Variants in ZNF330 observed in about 807,000 individuals in gnomAD.
ZNF330 encodes nucleolar atypical zinc finger, also known as zinc finger protein 330.
A neutral mutation model predicts 45.5 loss-of-function variants in ZNF330; 31 were observed. That is an observed-to-expected ratio of 0.68 (90% confidence interval 0.51 to 0.92). The LOEUF (loss-of-function observed/expected upper bound fraction) is 0.92. Among genes scored for constraint, ZNF330 ranks in the 40% least tolerant of loss-of-function variants. ZNF330 has a pLI of 0.00. For missense variants in ZNF330, 356 were observed against 387.4 expected (o/e 0.92, Z 0.68); for synonymous variants, 138 against 123.2 (o/e 1.12, Z -0.79).
chr4:141,221,094 C>T lies in ZNF330; in HGVS notation c.-21C>T, dbSNP rs1728663332. 1 of 152,268 alleles carries T rather than the reference C, an allele frequency of 6.6e-6. No homozygotes were observed. The highest frequency in any genetic ancestry group is 1.5e-5 in the Non-Finnish European group (1 of 68,066). 9.4% of individuals were successfully genotyped at this position (152,268 alleles called of 1,614,324 possible). On this transcript the variant is annotated 5_prime_UTR_variant, in exon 1 of 10. Coordinates refer to ENST00000262990, the MANE Select transcript of ZNF330 (RefSeq NM_014487.6). The stretch of plus-strand genomic sequence containing the variant: ...CCGGCGAAAGTGAGCGAGGTTTGCC[C>T]GGAGCGCGCACGAGGTAGGGTGTCC...
At chr4:141,230,694 A>G (rs1016624757) in intron 7 of ZNF330, among the ~76,000 whole-genome samples, 33 of 152,248 alleles carry the variant, frequency 2.2e-4, no homozygotes, top group African/African-American at 7.5e-4. Context: ...CTGTATATCA[A>G]AAATACCTGT....
At chr4:141,224,820 A>ATGTTT in intron 4 of ZNF330, 143 bp downstream of exon 4, 6 of 680,756 alleles carry the variant, frequency 8.8e-6, no homozygotes, top group African/African-American at 1.8e-5. Flanking sequence ...ATAACAAAAC[A>ATGTTT]TGTTATTTTG....
At chr4:141,225,089 C>T (rs760475879) in intron 4 of ZNF330, among the ~76,000 whole-genome samples, 10 of 151,862 alleles carry the variant, frequency 6.6e-5, no homozygotes, top group Non-Finnish European at 1.2e-4. Flanking sequence ...AATTTTATTC[C>T]ACATTTACCT....
At chr4:141,222,325 T>A (rs1339165671) in intron 1 of ZNF330, 41 bp from the exon 2 acceptor site, 28 of 1,593,002 alleles carry the variant, frequency 1.8e-5, no homozygotes, top group Non-Finnish European at 2.4e-5. Context: ...GTAAATGCAG[T>A]CAGTCAATTA....
rs530018696 is a variant in ZNF330, at chr4:141,234,325, T to A, written c.*336T>A. On this transcript the variant is annotated 3_prime_UTR_variant, in exon 10 of 10. Transcript: ENST00000262990. Reference sequence around the variant, plus strand: ...AGGATGGTAATATATTTGTTTGAAATTAAATTACTGTTTTTATTAAAAAAT... The same window carrying A: ...AGGATGGTAATATATTTGTTTGAAAATAAATTACTGTTTTTATTAAAAAAT... 2.2e-4 allele frequency: 39 copies of A among 179,058 alleles called. 1 individual carries two copies. In the South Asian group the frequency reaches 7.4e-3, roughly 34 times the overall value. 11.1% of individuals were successfully genotyped at this position (179,058 alleles called of 1,614,324 possible).
intron 1 of ZNF330, among the ~76,000 whole-genome samples, chr4:141,221,573 A>C (rs1215692313): frequency 6.6e-6 from 1 of 152,064 alleles, no homozygotes; most frequent in East Asian, 1.9e-4. Flanking sequence ...TACGTTACCG[A>C]AATAACCACC....
intron 2 of ZNF330, among the ~76,000 whole-genome samples, chr4:141,223,374 C>T (rs1053226912): frequency 1.4e-5 from 2 of 146,096 alleles, no homozygotes; most frequent in Admixed American, 6.8e-5. Flanking sequence ...ATACCTGGGA[C>T]TCGGGGACAA....
chr4:141,232,647 G>T lies in ZNF330; in HGVS notation c.688+5G>T. 2.0e-6 allele frequency: 3 copies of T among 1,498,544 alleles called. No individual in the cohort carries two copies. Among genetic ancestry groups the T allele is most frequent in the Non-Finnish European group, 1.8e-6 (2 of 1,114,464 alleles). 92.8% of individuals were successfully genotyped at this position (1,498,544 alleles called of 1,614,324 possible). On this transcript the variant is annotated splice_donor_5th_base_variant and intron_variant, in intron 9 of 9. Transcript: ENST00000262990. ...CTAAGGACCTTAGCATGTCAAGTAA[G>T]GCCCTTAAGATACTAAGGAAGTGAT...
At chr4:141,228,379 A>G (rs1728860366) in intron 5 of ZNF330, among the ~76,000 whole-genome samples, 3 of 152,062 alleles carry the variant, frequency 2.0e-5, no homozygotes, top group Non-Finnish European at 2.9e-5. Context: ...TTTTCTGGAT[A>G]TCTTCTATTT....
chr4:141,234,099 G>C lies in ZNF330; in HGVS notation c.*110G>C. On this transcript the variant is annotated 3_prime_UTR_variant, in exon 10 of 10. Transcript: ENST00000262990. ...CTTAGCCACTTAGCCTTGTGCAGAA[G>C]ACTAGTTACACTTAATGGGCCAAGC... 4.7e-6 allele frequency: 7 copies of C among 1,480,172 alleles called. No individual in the cohort carries two copies. Among genetic ancestry groups the C allele is most frequent in the Non-Finnish European group, 6.2e-6 (7 of 1,122,136 alleles). The allele number at this position is 1,480,172 out of a possible 1,614,324, so 91.7% of individuals were successfully genotyped here. A position where few individuals can be genotyped will look rare whatever the true frequency, so the allele number is the denominator to read the frequency against.
chr4:141,230,877 T>A (rs1728935656), intron 7 of ZNF330, among the ~76,000 whole-genome samples: 1 of 152,062 alleles, frequency 6.6e-6, no homozygotes, highest in Non-Finnish European at 1.5e-5. Context: ...TACACATAGT[T>A]TTTTTCTTGG....
intron 9 of ZNF330, 95 bp from the exon 10 acceptor site, chr4:141,233,620 A>G (rs1243201809): frequency 6.9e-7 from 1 of 1,456,116 alleles, no homozygotes; most frequent in East Asian, 2.5e-5. Flanking sequence ...TTGGGATTGA[A>G]GCAGCCAATG....
chr4:141,223,756 A>G (rs564551289), intron 2 of ZNF330: 7 of 456,242 alleles, frequency 1.5e-5, no homozygotes, highest in African/African-American at 1.0e-4. Flanking sequence ...TAAAGGTACA[A>G]TGTATTTATT....
intron 8 of ZNF330, among the ~76,000 whole-genome samples, chr4:141,231,851 T>A (rs1253346282): frequency 6.6e-6 from 1 of 152,114 alleles, no homozygotes; most frequent in Non-Finnish European, 1.5e-5. Flanking sequence ...TTAGGCCTAG[T>A]CTCTAGCATT....
At chr4:141,222,607 G>A (rs946089884) in intron 2 of ZNF330, 116 bp downstream of exon 2, 1 of 1,111,008 alleles carries the variant, frequency 9.0e-7, no homozygotes, top group Admixed American at 2.5e-5. Context: ...GTTTGTTGCT[G>A]AATTTAGTAT....
chr4:141,229,428 T>C (rs932307949), intron 5 of ZNF330, 143 bp from the exon 6 acceptor site: 14 of 1,083,398 alleles, frequency 1.3e-5, no homozygotes, highest in Admixed American at 1.1e-4. Context: ...GAGTGAGTAG[T>C]AAAATGTTTA....
In ZNF330 at chr4:141,232,623, T is replaced by C. The variant is rs1243490023; in HGVS notation, c.669T>C (p.Thr223=). ...CPKCGHETQE[T]KDLSMSTRSL... The stretch of plus-strand genomic sequence containing the variant: ...AATGTGGGCATGAAACTCAGGAGAC[T>C]AAGGACCTTAGCATGTCAAGTAAGG... The change falls in exon 9 of 10, where the codon ACT becomes ACC. Residue 223 remains threonine, a synonymous_variant. Transcript: ENST00000262990. The C allele has an allele frequency of 6.3e-7, 1 of 1,580,030 alleles. No individual in the cohort carries two copies. The highest frequency in any genetic ancestry group is 8.6e-7 in the Non-Finnish European group (1 of 1,163,990).
Position 141,230,649 on chromosome 4 carries a change from T to G in ZNF330, c.523+379T>G, listed in dbSNP as rs566012092. 2.0e-5 allele frequency among the ~76,000 whole-genome samples: 3 copies of G among 152,234 alleles called. No homozygotes were observed. In the East Asian group the frequency reaches 5.8e-4, roughly 29 times the overall value. On this transcript the variant is annotated intron_variant, in intron 7 of 9. Transcript: ENST00000262990. ...CCGTAAGAGATACCACCCTGTTTGT[T>G]TCTGCTAGTTGGTTCTAGTGATTCT...
At chr4:141,229,223 CT>C (rs1728887069) in intron 5 of ZNF330, among the ~76,000 whole-genome samples, 1 of 152,018 alleles carries the variant, frequency 6.6e-6, no homozygotes, top group South Asian at 2.1e-4. Context: ...AAAGCTTAAG[CT>C]GTTGGTTCCT....
Sources: gnomAD v4.1 joint callset for allele counts (sites outside exome capture counted in the v4.1 genomes callset) on GRCh38, gnomAD v4.1.1 for gene constraint, MANE v1.5 for transcripts, NCBI Gene and HGNC (gene_info 2026-07-23, HGNC 2026-07-21) for gene names.